The following SNX4 variants were observed in gnomAD, a reference collection of about 807,000 sequenced individuals.
The protein encoded by SNX4 is sorting nexin-4.
A neutral mutation model predicts 70.8 loss-of-function variants in SNX4; 49 were observed. The observed-to-expected ratio is 0.69, with a 90% CI of 0.55 to 0.88. The LOEUF (loss-of-function observed/expected upper bound fraction) is 0.88, where lower values mean the gene tolerates loss of function less well. Ranked by LOEUF, SNX4 falls within the 40% of genes least tolerant of loss-of-function variation. The pLI is 0.00. For missense variants in SNX4, 528 were observed against 544.8 expected, an observed-to-expected ratio of 0.97 and a Z score of 0.31; for synonymous variants, 206 against 183.8, an observed-to-expected ratio of 1.12 and a Z score of -0.98.
At chr3:125,486,077 G>A (rs1465583686) in intron 6 of SNX4, among the ~76,000 whole-genome samples, 1 of 152,120 alleles carries the variant, frequency 6.6e-6, no homozygotes, top group Non-Finnish European at 1.5e-5. Flanking sequence ...CTGACCTCGT[G>A]ATCCACCCAC....
chr3:125,487,645 A>G (rs189625873), intron 6 of SNX4, among the ~76,000 whole-genome samples: 486 of 152,184 alleles, frequency 3.2e-3, no homozygotes, highest in Non-Finnish European at 5.4e-3. Flanking sequence ...AACACCTCTT[A>G]TATACCATGC....
chr3:125,467,084 C>CAAAAA (rs538874424), intron 9 of SNX4, among the ~76,000 whole-genome samples: 1 of 74,534 alleles, frequency 1.3e-5, no homozygotes, highest in Non-Finnish European at 2.9e-5. Flanking sequence ...CTCTGTCTTC[C>CAAAAA]AAAAAAAAAA....
At position 125,504,672 on chromosome 3, in the gene SNX4, T is replaced by G; in HGVS notation, c.214A>C (p.Asn72His). The change falls in exon 2 of 14, where the codon AAT (asparagine) becomes CAT (histidine). Residue 72 changes from asparagine to histidine, a missense_variant. Asn to His is a moderately conservative substitution (Grantham distance 68). This residue lies in a region of SNX4 where 341 missense variants were observed against 312.2 expected (regional missense o/e 1.09). Transcript: ENST00000251775. Reference protein sequence around the residue: ...VSEAEKRTGRNAMNMQETYTA... With the variant: ...VSEAEKRTGRHAMNMQETYTA... ...TATGTTTCTTGCATGTTCATGGCATTTCTTCCAGTTCGTTTTTCTGCTTCT... is the reference window on the plus strand; with the variant it reads ...TATGTTTCTTGCATGTTCATGGCATGTCTTCCAGTTCGTTTTTCTGCTTCT... The G allele has an allele frequency of 6.2e-7, 1 of 1,614,114 alleles. No individual in the cohort carries two copies. The highest frequency in any genetic ancestry group is 8.5e-7 in the Non-Finnish European group (1 of 1,179,982).
chr3:125,450,454 A>G (rs1014673670), intron 13 of SNX4, among the ~76,000 whole-genome samples: 1 of 152,214 alleles, frequency 6.6e-6, no homozygotes, highest in East Asian at 1.9e-4. Flanking sequence ...TTGTATATAT[A>G]TTTATATGAG....
At chr3:125,460,012 G>A (rs1933834970) in intron 10 of SNX4, among the ~76,000 whole-genome samples, 1 of 151,768 alleles carries the variant, frequency 6.6e-6, no homozygotes, top group South Asian at 2.1e-4. Flanking sequence ...GGCCAACAAC[G>A]GTGAAACCCT....
chr3:125,519,953 A>ACCCCCCCCCCCCCCCCCCCCCCCCC, intron 1 of SNX4, 79 bp downstream of exon 1: 3 of 745,320 alleles, frequency 4.0e-6, no homozygotes, highest in Non-Finnish European at 1.8e-6. Flanking sequence ...GGCCCGGCCC[A>ACCCCCCCCCCCCCCCCCCCCCCCCC]GCCCAGCCCA....
intron 1 of SNX4, among the ~76,000 whole-genome samples, chr3:125,506,817 T>TGA (rs199752160): frequency 9.3e-4 from 25 of 26,834 alleles, no homozygotes; most frequent in African/African-American, 2.2e-3. Flanking sequence ...GTGGAGAAAG[T>TGA]AAAAAAAAAA....
In SNX4 at chr3:125,480,326, C is replaced by T. The variant is rs1299550437; in HGVS notation, c.654-7G>A. 1 of 1,492,602 alleles carries T rather than the reference C, an allele frequency of 6.7e-7. No homozygotes were observed. The highest frequency in any genetic ancestry group is 9.0e-7 in the Non-Finnish European group (1 of 1,112,598). 92.5% of individuals were successfully genotyped at this position (1,492,602 alleles called of 1,614,324 possible). On this transcript the variant is annotated splice_polypyrimidine_tract_variant and splice_region_variant and intron_variant, in intron 6 of 13. Coordinates refer to ENST00000251775, the MANE Select transcript of SNX4 (RefSeq NM_003794.4). ...CTTAAGGTCAGTAAATCTCCTGAAA[C>T]AGGAAACAAATAAAACATCGTTTTT...
At chr3:125,463,822 T>C (rs1290933345) in intron 9 of SNX4, among the ~76,000 whole-genome samples, 1 of 152,226 alleles carries the variant, frequency 6.6e-6, no homozygotes, top group Non-Finnish European at 1.5e-5. Context: ...CTATTTTTTG[T>C]CTTTTTGAAT....
At chr3:125,486,286 G>A (rs16836840) in intron 6 of SNX4, among the ~76,000 whole-genome samples, 7,340 of 151,966 alleles carry the variant, frequency 0.048, 418 homozygotes, top group African/African-American at 0.13. Context: ...TAACCTCAAC[G>A]TATCACAACC....
intron 6 of SNX4, among the ~76,000 whole-genome samples, chr3:125,484,546 T>C (rs935744275): frequency 6.6e-6 from 1 of 152,068 alleles, no homozygotes; most frequent in Non-Finnish European, 1.5e-5. Context: ...TGAGCTACCA[T>C]GTCTGGCCTT....
At chr3:125,499,640 A>G (rs1267739477) in intron 2 of SNX4, among the ~76,000 whole-genome samples, 1 of 152,090 alleles carries the variant, frequency 6.6e-6, no homozygotes, top group African/African-American at 2.4e-5. Flanking sequence ...TACTTGGGTT[A>G]ATCTCAAGTT....
At chr3:125,475,368 T>C (rs992034717) in intron 8 of SNX4, among the ~76,000 whole-genome samples, 3 of 151,744 alleles carry the variant, frequency 2.0e-5, no homozygotes, top group Non-Finnish European at 4.4e-5. Flanking sequence ...TGAGAAAAAA[T>C]TTTTTTCATT....
chr3:125,487,728 T>C lies in SNX4; in HGVS notation c.653+1680A>G, dbSNP rs550839956. 1.8e-4 allele frequency among the ~76,000 whole-genome samples: 27 copies of C among 151,010 alleles called. No individual in the cohort carries two copies. The East Asian group carries it at 5.2e-3, about 29-fold the overall frequency. On this transcript the variant is annotated intron_variant, in intron 6 of 13. Transcript: ENST00000251775. ...ATTAAGTGAAAGAAGCCAATCTCAATGTTGACATACTGTATATGATGTGAC... is the reference window on the plus strand; with the variant it reads ...ATTAAGTGAAAGAAGCCAATCTCAACGTTGACATACTGTATATGATGTGAC...
chr3:125,480,210 A>G, intron 7 of SNX4, 37 bp downstream of exon 7: 3 of 1,312,586 alleles, frequency 2.3e-6, no homozygotes, highest in Non-Finnish European at 3.1e-6. Context: ...GCACTTCCTT[A>G]TGCATGTGCA....
intron 5 of SNX4, among the ~76,000 whole-genome samples, chr3:125,495,927 C>A (rs1425669525): frequency 6.6e-6 from 1 of 152,152 alleles, no homozygotes; most frequent in African/African-American, 2.4e-5. Context: ...TCCCTAAACT[C>A]AAATTCTACC....
chr3:125,469,640 G>T, intron 8 of SNX4, 121 bp from the exon 9 acceptor site: 3 of 674,304 alleles, frequency 4.4e-6, no homozygotes, highest in Admixed American at 2.8e-5. Flanking sequence ...ACCCGTATTT[G>T]GGTTTATTTT....
At chr3:125,512,047 A>G (rs967025943) in intron 1 of SNX4, among the ~76,000 whole-genome samples, 1 of 152,198 alleles carries the variant, frequency 6.6e-6, no homozygotes, top group Non-Finnish European at 1.5e-5. Context: ...CTCAGTCCTC[A>G]AGGCATTTTT....
Position 125,518,525 on chromosome 3 carries a change from C to CA in SNX4, c.141+1506dup, listed in dbSNP as rs577675772. 5.9e-5 allele frequency among the ~76,000 whole-genome samples: 9 copies of CA among 152,266 alleles called. No homozygotes were observed. In the East Asian group the frequency reaches 1.5e-3, roughly 26 times the overall value. ...ACCTTATATACCCAGGTATGTTCCA[C>CA]AGCAGGCAAAACTTTCAAATCCTGA... is the stretch of plus-strand genomic sequence containing the variant. On this transcript the variant is annotated intron_variant, in intron 1 of 13. Transcript: ENST00000251775.
Sources: allele counts gnomAD v4.1 joint callset (sites outside exome capture counted in the v4.1 genomes callset), GRCh38; gene constraint gnomAD v4.1.1; regional missense constraint gnomAD v4.1.1; transcripts MANE v1.5; gene names NCBI Gene and HGNC (gene_info 2026-07-23, HGNC 2026-07-21).